ADAMTSL1: variants seen among roughly 807,000 people sequenced by gnomAD.
ADAMTSL1 encodes the protein ADAMTS like 1.
ADAMTSL1 carries 126 observed loss-of-function variants against 201.8 expected under a neutral mutation model. That is an observed-to-expected ratio of 0.62 (90% CI 0.54 to 0.72). The LOEUF is 0.72. ADAMTSL1 is among the 30% of genes least tolerant of loss of function. The pLI is 0.00. For synonymous variants in ADAMTSL1, 1,121 were observed against 903.4 expected (o/e 1.24, Z -4.32); for missense variants, 2,679 against 2,277.8 (o/e 1.18, Z -3.59).
rs546104779 is a variant in ADAMTSL1, at chr9:18,306,310, C to T, written c.207+142329C>T. On this transcript the variant is annotated intron_variant, in intron 2 of 29. Coordinates refer to the ADAMTSL1 transcript ENST00000680146. The stretch of plus-strand genomic sequence containing the variant: ...TCCTCCAAAGGATCACAACTCCTCA[C>T]CAGCAAGGGAACAAAACTGGATGGA... 2.0e-5 allele frequency among the ~76,000 whole-genome samples: 3 copies of T among 152,244 alleles called. No individual in the cohort carries two copies. The East Asian group carries it at 5.8e-4, about 29-fold the overall frequency.
chr9:18,162,159 G>C (rs1827418171), intron 1 of ADAMTSL1, among the ~76,000 whole-genome samples: 1 of 151,958 alleles, frequency 6.6e-6, no homozygotes, highest in African/African-American at 2.4e-5. Flanking sequence ...CTAGGACTGG[G>C]GTCCTCTTTC....
At chr9:18,381,252 TTTC>T (rs1837542814) in intron 2 of ADAMTSL1, among the ~76,000 whole-genome samples, 1 of 152,222 alleles carries the variant, frequency 6.6e-6, no homozygotes. Context: ...AAAGTTTGAT[TTTC>T]TTCTTGCTGT....
rs371768552 is a variant in ADAMTSL1, at chr9:18,770,611, A to G, written c.2227A>G (p.Thr743Ala). Residue 743 changes from threonine (T) to alanine (A), a missense_variant, in exon 17 of 29, where the codon ACG becomes GCG. Transcript: ENST00000380548. The part of the protein sequence containing the change: ...YPAQWQPCSR[T>A]CGGGVQKREV... Reference sequence around the variant, plus strand: ...TTCTTTCTTTCCCCAGTGTTCCAGAACGTGTGGCGGGGGTGTTCAGAAACG... The same window carrying G: ...TTCTTTCTTTCCCCAGTGTTCCAGAGCGTGTGGCGGGGGTGTTCAGAAACG... 3.1e-6 allele frequency: 5 copies of G among 1,612,094 alleles called. No individual in the cohort carries two copies. The South Asian group carries it at 3.3e-5, about 11-fold the overall frequency.
rs911778080 is a variant in ADAMTSL1 at position 18,639,478 on chromosome 9, G to A, written c.834+67G>A. 1.9e-5 allele frequency: 29 copies of A among 1,552,994 alleles called. No homozygotes were observed. In the East Asian group the frequency reaches 6.6e-4, roughly 35 times the overall value. The stretch of plus-strand genomic sequence containing the variant: ...AATGATGTTACTTATAATTTCCTGA[G>A]CAGAGAGCGATTTTTGGTTCTGACA... On this transcript the variant is annotated intron_variant, in intron 7 of 28. Coordinates refer to ENST00000380548, the MANE Select transcript of ADAMTSL1 (RefSeq NM_001040272.6).
intron 26 of ADAMTSL1, chr9:18,905,464 G>A (rs1830251467): frequency 3.1e-6 from 1 of 326,902 alleles, no homozygotes; most frequent in African/African-American, 2.1e-5. Context: ...AAAGTCTACT[G>A]CCACATTCCT....
intron 1 of ADAMTSL1, among the ~76,000 whole-genome samples, chr9:17,968,099 C>G (rs551986321): frequency 6.6e-6 from 1 of 152,110 alleles, no homozygotes; most frequent in South Asian, 2.1e-4. Context: ...CACTTACTCT[C>G]TTCCTGGGTC....
At chr9:18,803,665 G>T (rs1314310389) in intron 20 of ADAMTSL1, among the ~76,000 whole-genome samples, 1 of 152,080 alleles carries the variant, frequency 6.6e-6, no homozygotes, top group Non-Finnish European at 1.5e-5. Context: ...ACCAAAAAAT[G>T]TTTAAAAACA....
intron 2 of ADAMTSL1, among the ~76,000 whole-genome samples, chr9:18,381,955 A>G (rs1215338277): frequency 6.6e-6 from 1 of 152,194 alleles, no homozygotes; most frequent in Non-Finnish European, 1.5e-5. Flanking sequence ...CCTAGCATGT[A>G]AAATACTGTT....
intron 2 of ADAMTSL1, among the ~76,000 whole-genome samples, chr9:18,345,186 G>A (rs73643243): frequency 0.027 from 4,107 of 151,912 alleles, 205 homozygotes; most frequent in African/African-American, 0.094. Flanking sequence ...TATTGGCCAC[G>A]GCCTAAATAA....
chr9:18,578,938 A>G (rs200327575), intron 4 of ADAMTSL1, among the ~76,000 whole-genome samples: 3 of 150,938 alleles, frequency 2.0e-5, no homozygotes, highest in African/African-American at 4.9e-5. Context: ...GTGTGAGATG[A>G]TATCTCATAG....
chr9:18,268,358 T>C (rs887682134), intron 2 of ADAMTSL1, among the ~76,000 whole-genome samples: 2 of 152,322 alleles, frequency 1.3e-5, no homozygotes, highest in Non-Finnish European at 2.9e-5. Flanking sequence ...AGTTTCTTTC[T>C]ACTTTATTTG....
intron 2 of ADAMTSL1, among the ~76,000 whole-genome samples, chr9:18,203,166 G>A (rs1431137623): frequency 6.6e-6 from 1 of 152,092 alleles, no homozygotes; most frequent in Non-Finnish European, 1.5e-5. Flanking sequence ...AGGACAGTAA[G>A]CTCTGCTGGA....
At chr9:18,274,527 A>G (rs994358144) in intron 2 of ADAMTSL1, among the ~76,000 whole-genome samples, 3 of 152,194 alleles carry the variant, frequency 2.0e-5, no homozygotes, top group Non-Finnish European at 2.9e-5. Flanking sequence ...ATACAACAGA[A>G]ATAGGCAAAA....
intron 15 of ADAMTSL1, among the ~76,000 whole-genome samples, chr9:18,748,716 A>G (rs1161737255): frequency 6.6e-6 from 1 of 152,196 alleles, no homozygotes; most frequent in Non-Finnish European, 1.5e-5. Context: ...TTCACTGCAT[A>G]CTACTGAACA....
At chr9:18,255,590 G>A (rs1286084143) in intron 2 of ADAMTSL1, among the ~76,000 whole-genome samples, 1 of 152,210 alleles carries the variant, frequency 6.6e-6, no homozygotes, top group Non-Finnish European at 1.5e-5. Flanking sequence ...TACAGGATAT[G>A]TATGAATAAA....
At chr9:18,260,304 G>A (rs1033145457) in intron 2 of ADAMTSL1, among the ~76,000 whole-genome samples, 7 of 152,224 alleles carry the variant, frequency 4.6e-5, no homozygotes, top group African/African-American at 1.4e-4. Context: ...TCATTTGGCA[G>A]TCTTCAATGG....
At chr9:17,960,843 G>T (rs912229967) in intron 1 of ADAMTSL1, among the ~76,000 whole-genome samples, 1 of 152,080 alleles carries the variant, frequency 6.6e-6, no homozygotes, top group Non-Finnish European at 1.5e-5. Flanking sequence ...ACAGTGTCTG[G>T]CATGTAGTAA....
At chr9:18,650,036 G>A (rs1052195984) in intron 7 of ADAMTSL1, among the ~76,000 whole-genome samples, 1 of 152,342 alleles carries the variant, frequency 6.6e-6, no homozygotes, top group East Asian at 1.9e-4. Context: ...AGCTGTGGTG[G>A]GCTCCACCCA....
intron 1 of ADAMTSL1, among the ~76,000 whole-genome samples, chr9:18,060,909 C>T (rs990359833): frequency 6.6e-6 from 1 of 152,132 alleles, no homozygotes; most frequent in South Asian, 2.1e-4. Context: ...TTAAAAACTT[C>T]TCCTTATTTC....
Sources: gnomAD v4.1 joint callset for allele counts (sites outside exome capture counted in the v4.1 genomes callset) on GRCh38, gnomAD v4.1.1 for gene constraint, MANE v1.5 for transcripts, NCBI Gene and HGNC (gene_info 2026-07-23, HGNC 2026-07-21) for gene names.